Variants in HDAC9 observed in about 807,000 individuals in gnomAD.
HDAC9 encodes the protein MEF-2 interacting transcription repressor (MITR) protein.
In HDAC9, 41 loss-of-function variants were observed where a neutral mutation model predicts 139.4. That is an observed-to-expected ratio of 0.29 (90% CI 0.23 to 0.38). The LOEUF is 0.38. HDAC9 is among the 10% of genes least tolerant of loss of function. The pLI, the probability that HDAC9 is intolerant of heterozygous loss-of-function variation, is 1.00. For synonymous variants in HDAC9, 517 were observed against 476.2 expected, an observed-to-expected ratio of 1.09 and a Z score of -1.12; for missense variants, 1,147 against 1,297.0, an observed-to-expected ratio of 0.88 and a Z score of 1.78.
chr7:18,249,464 C>T (rs1274599089), intron 2 of HDAC9, among the ~76,000 whole-genome samples: 6 of 132,276 alleles, frequency 4.5e-5, no homozygotes, highest in Non-Finnish European at 9.2e-5. Context: ...GATCATGCCA[C>T]TGCACTCCAG....
chr7:18,709,197 C>G (rs1303865434), intron 12 of HDAC9, among the ~76,000 whole-genome samples: 2 of 152,014 alleles, frequency 1.3e-5, no homozygotes, highest in Non-Finnish European at 2.9e-5. Context: ...CCCTCACTCT[C>G]TACCTCCCCA....
intron 1 of HDAC9, among the ~76,000 whole-genome samples, chr7:18,409,962 A>G (rs1326145518): frequency 1.3e-5 from 2 of 152,234 alleles, no homozygotes; most frequent in African/African-American, 4.8e-5. Flanking sequence ...TAGTAAAGTG[A>G]ACAATAGAAA....
At chr7:18,981,053 T>C (rs1784916496) in intron 25 of HDAC9, among the ~76,000 whole-genome samples, 1 of 152,082 alleles carries the variant, frequency 6.6e-6, no homozygotes, top group Non-Finnish European at 1.5e-5. Flanking sequence ...CTCAATCTCC[T>C]GACCTCATGA....
intron 22 of HDAC9, among the ~76,000 whole-genome samples, chr7:18,923,622 T>G (rs1803955713): frequency 6.6e-6 from 1 of 152,094 alleles, no homozygotes; most frequent in South Asian, 2.1e-4. Flanking sequence ...TTGAAGTGTT[T>G]GACCTAAAAT....
chr7:18,407,141 T>A (rs746272769), intron 1 of HDAC9, among the ~76,000 whole-genome samples: 1 of 152,214 alleles, frequency 6.6e-6, no homozygotes, highest in Non-Finnish European at 1.5e-5. Flanking sequence ...TGGTCCTTTT[T>A]TCTTTCACTC....
chr7:18,740,290 G>A (rs1310820274), intron 13 of HDAC9, among the ~76,000 whole-genome samples: 1 of 152,104 alleles, frequency 6.6e-6, no homozygotes, highest in Non-Finnish European at 1.5e-5. Flanking sequence ...TCTCCAACCA[G>A]TCTTATTGAG....
chr7:18,917,407 A>T (rs1214445113), intron 22 of HDAC9, among the ~76,000 whole-genome samples: 1 of 152,050 alleles, frequency 6.6e-6, no homozygotes, highest in Non-Finnish European at 1.5e-5. Flanking sequence ...TACTCTTTCA[A>T]AATCTCACAA....
chr7:18,428,540 G>A (rs910963261), intron 1 of HDAC9, among the ~76,000 whole-genome samples: 1 of 152,076 alleles, frequency 6.6e-6, no homozygotes, highest in African/African-American at 2.4e-5. Flanking sequence ...TAATCATCAG[G>A]GGAATGCAAG....
chr7:18,567,752 G>T (rs1398468374), intron 2 of HDAC9, among the ~76,000 whole-genome samples: 2 of 151,910 alleles, frequency 1.3e-5, no homozygotes, highest in African/African-American at 4.8e-5. Flanking sequence ...AATTTCTGTA[G>T]TGGTTTGACT....
At chr7:18,171,524 A>G (rs1302627815) in intron 2 of HDAC9, among the ~76,000 whole-genome samples, 2 of 152,170 alleles carry the variant, frequency 1.3e-5, no homozygotes, top group Non-Finnish European at 2.9e-5. Context: ...GTCTTGTGCC[A>G]GTTTTCAAAG....
At chr7:18,740,255 C>T (rs1787325027) in intron 13 of HDAC9, among the ~76,000 whole-genome samples, 1 of 152,194 alleles carries the variant, frequency 6.6e-6, no homozygotes, top group African/African-American at 2.4e-5. Flanking sequence ...CCTGCTTCAG[C>T]TCGCCCTCCG....
intron 17 of HDAC9, among the ~76,000 whole-genome samples, chr7:18,808,855 C>T (rs957344734): frequency 1.2e-4 from 18 of 151,546 alleles, no homozygotes; most frequent in Non-Finnish European, 2.4e-4. Flanking sequence ...AAACGAAACA[C>T]AACAAAAACC....
At chr7:18,174,575 T>C in intron 2 of HDAC9, among the ~76,000 whole-genome samples, 1 of 152,182 alleles carries the variant, frequency 6.6e-6, no homozygotes, top group Non-Finnish European at 1.5e-5. Flanking sequence ...GGTTTCTCCC[T>C]ATCTTTGTGG....
intron 2 of HDAC9, among the ~76,000 whole-genome samples, chr7:18,516,433 C>G (rs960278710): frequency 6.6e-6 from 1 of 152,138 alleles, no homozygotes; most frequent in African/African-American, 2.4e-5. Flanking sequence ...GAGGATGTCA[C>G]CTTACCGCCC....
chr7:18,631,960 T>C (rs576204606), intron 7 of HDAC9, among the ~76,000 whole-genome samples: 2 of 152,072 alleles, frequency 1.3e-5, no homozygotes, highest in African/African-American at 4.8e-5. Context: ...GATTTCTACA[T>C]AAGGAAATAC....
intron 16 of HDAC9, among the ~76,000 whole-genome samples, chr7:18,774,965 C>A (rs142213217): frequency 6.6e-6 from 1 of 152,112 alleles, no homozygotes; most frequent in African/African-American, 2.4e-5. Flanking sequence ...ACGTGCAACT[C>A]TTCCTTTTAC....
intron 22 of HDAC9, among the ~76,000 whole-genome samples, chr7:18,880,561 C>G (rs1445453290): frequency 6.6e-6 from 1 of 152,066 alleles, no homozygotes; most frequent in African/African-American, 2.4e-5. Context: ...AATGTAAAAC[C>G]AAATACTGTG....
intron 1 of HDAC9, among the ~76,000 whole-genome samples, chr7:18,418,436 A>C (rs543360507): frequency 5.1e-4 from 78 of 151,754 alleles, no homozygotes; most frequent in African/African-American, 1.8e-3. Context: ...AAAAAAAAAA[A>C]AAAAAACTAC....
At chr7:18,378,847 TA>T in intron 1 of HDAC9, among the ~76,000 whole-genome samples, 1 of 152,260 alleles carries the variant, frequency 6.6e-6, no homozygotes, top group African/African-American at 2.4e-5. Flanking sequence ...TGTTTTTATT[TA>T]AATGACATCT....
Sources: gnomAD v4.1 joint callset for allele counts (sites outside exome capture counted in the v4.1 genomes callset) on GRCh38, gnomAD v4.1.1 for gene constraint, MANE v1.5 for transcripts, NCBI Gene and HGNC (gene_info 2026-07-23, HGNC 2026-07-21) for gene names.